Variants in GRIK4 observed in about 807,000 individuals in gnomAD.
GRIK4 encodes glutamate ionotropic receptor kainate type subunit 4, also known as glutamate receptor ionotropic, kainate 4.
Under a neutral mutation model 104.9 loss-of-function variants are expected in GRIK4, and 40 were observed. The observed-to-expected ratio is 0.38, with a 90% CI of 0.30 to 0.50. GRIK4 has a LOEUF of 0.50. Ranked by LOEUF, GRIK4 falls within the 20% of genes least tolerant of loss-of-function variation. The pLI is 0.93. For synonymous variants in GRIK4, 485 were observed against 524.9 expected, an observed-to-expected ratio of 0.92 and a Z score of 1.04; for missense variants, 1,047 against 1,308.1, an observed-to-expected ratio of 0.80 and a Z score of 3.08.
intron 8 of GRIK4, among the ~76,000 whole-genome samples, chr11:120,853,970 G>A (rs1018966684): frequency 3.9e-5 from 6 of 152,076 alleles, no homozygotes; most frequent in African/African-American, 1.4e-4. Flanking sequence ...TCTGTCTTAG[G>A]GGCAAGACAT....
chr11:120,572,579 C>T (rs1232411104), intron 1 of GRIK4, among the ~76,000 whole-genome samples: 1 of 152,158 alleles, frequency 6.6e-6, no homozygotes, highest in Non-Finnish European at 1.5e-5. Flanking sequence ...GGCTCTTTCT[C>T]TCCCTCCCGT....
chr11:120,860,774 C>A (rs1954242077), intron 8 of GRIK4, among the ~76,000 whole-genome samples: 1 of 152,160 alleles, frequency 6.6e-6, no homozygotes, highest in Admixed American at 6.5e-5. Context: ...ACCACCCTAC[C>A]CGCAAACCTT....
intron 4 of GRIK4, 123 bp downstream of exon 4, chr11:120,802,980 G>C (rs371905973): frequency 1.5e-5 from 13 of 879,006 alleles, no homozygotes; most frequent in Middle Eastern, 2.4e-4. Context: ...TCCAGAGGAA[G>C]GAGAGGAACT....
chr11:120,825,867 T>G (rs149510208), intron 6 of GRIK4, among the ~76,000 whole-genome samples: 1 of 152,162 alleles, frequency 6.6e-6, no homozygotes, highest in South Asian at 2.1e-4. Flanking sequence ...CTTATGGCAG[T>G]GGGGGTGGAG....
In GRIK4 at chr11:120,561,544, C is replaced by G. The variant is rs142433223; in HGVS notation, c.-159+49657C>G. ...CTCGGGGACTCCCCAGAGTTCCCTGCAGGCATACCCCCGCTCCAGCAATGG... is the reference window on the plus strand; with the variant it reads ...CTCGGGGACTCCCCAGAGTTCCCTGGAGGCATACCCCCGCTCCAGCAATGG... On this transcript the variant is annotated intron_variant, in intron 1 of 20. Transcript: ENST00000527524. Among the ~76,000 whole-genome samples, 169 of 152,364 alleles carry G rather than the reference C, an allele frequency of 1.1e-3. 4 individuals are homozygous for G. In the East Asian group the frequency reaches 0.029, roughly 26 times the overall value.
chr11:120,733,045 A>G (rs995461231), intron 3 of GRIK4, among the ~76,000 whole-genome samples: 1 of 152,176 alleles, frequency 6.6e-6, no homozygotes, highest in East Asian at 1.9e-4. Context: ...TGTATTTACA[A>G]TTGTTATATC....
At chr11:120,674,999 G>A (rs1299293254) in intron 3 of GRIK4, among the ~76,000 whole-genome samples, 1 of 152,236 alleles carries the variant, frequency 6.6e-6, no homozygotes, top group Non-Finnish European at 1.5e-5. Context: ...AATTAAAAGG[G>A]CCTTTATCTG....
At chr11:120,674,791 C>G (rs1483020557) in intron 3 of GRIK4, among the ~76,000 whole-genome samples, 1 of 152,200 alleles carries the variant, frequency 6.6e-6, no homozygotes, top group Non-Finnish European at 1.5e-5. Context: ...CCTGGGGGCC[C>G]CCACAGGAAT....
intron 8 of GRIK4, among the ~76,000 whole-genome samples, chr11:120,856,838 A>G (rs1954115535): frequency 6.6e-6 from 1 of 152,192 alleles, no homozygotes; most frequent in African/African-American, 2.4e-5. Context: ...TTTTAGCTGT[A>G]GTTGACTAAC....
At chr11:120,799,375 C>T (rs1165906040) in intron 3 of GRIK4, among the ~76,000 whole-genome samples, 7 of 152,172 alleles carry the variant, frequency 4.6e-5, no homozygotes, top group Non-Finnish European at 1.0e-4. Flanking sequence ...AGGGGCAAGC[C>T]TGTTGCTATT....
chr11:120,667,548 AT>A (rs1169743986), intron 3 of GRIK4, among the ~76,000 whole-genome samples: 7 of 152,226 alleles, frequency 4.6e-5, no homozygotes, highest in Non-Finnish European at 1.0e-4. Context: ...CTTAGCTCTC[AT>A]TAGTCTGGAT....
chr11:120,920,869 C>T (rs1055759251), intron 13 of GRIK4, among the ~76,000 whole-genome samples: 1 of 152,096 alleles, frequency 6.6e-6, no homozygotes, highest in Non-Finnish European at 1.5e-5. Flanking sequence ...CACCAGTATC[C>T]CTTCCATCTG....
chr11:120,708,785 G>A (rs1028462478), intron 3 of GRIK4, among the ~76,000 whole-genome samples: 5 of 152,122 alleles, frequency 3.3e-5, no homozygotes, highest in South Asian at 2.1e-4. Context: ...TTTGCTTTGC[G>A]CAGGGCCCTG....
At chr11:120,701,951 C>CTTTT (rs34068640) in intron 3 of GRIK4, among the ~76,000 whole-genome samples, 26 of 92,080 alleles carry the variant, frequency 2.8e-4, no homozygotes, top group Admixed American at 5.4e-4. Context: ...TGATTCCAAG[C>CTTTT]TTTTTTTTTT....
chr11:120,924,876 C>G (rs1054761313), intron 13 of GRIK4, among the ~76,000 whole-genome samples: 1 of 152,222 alleles, frequency 6.6e-6, no homozygotes, highest in Non-Finnish European at 1.5e-5. Context: ...GTCTTCAGCT[C>G]TCTTCCTCAA....
At position 120,956,880 on chromosome 11, in the gene GRIK4, G is replaced by A. The variant is rs1370506355; in HGVS notation, c.1801G>A (p.Val601Ile). Residue 601 changes from valine to isoleucine, a missense_variant, in exon 16 of 21, where the codon GTC becomes ATC. By Grantham distance (29) the Val-to-Ile change is conservative (BLOSUM62 3). Around this residue, in one of 3 missense-constraint regions of GRIK4, gnomAD observed 440 missense variants for 652.3 expected, o/e 0.67. Transcript: ENST00000527524. The surrounding 1 kb of genome is among the most constrained non-coding windows in gnomAD (Gnocchi z 4.6). ...CCTGGGCAACAGCCTCTGGTTTCCG[G>A]TCGGGGGGTTCATGCAGCAAGGCTC... ...YSLGNSLWFP[V>I]GGFMQQGSTI... 10 of 1,613,908 alleles carry A rather than the reference G, an allele frequency of 6.2e-6. No individual in the cohort carries two copies. Among genetic ancestry groups the A allele is most frequent in the Non-Finnish European group, 8.5e-6 (10 of 1,179,992 alleles).
At chr11:120,853,677 G>GCC (rs1954030569) in intron 8 of GRIK4, among the ~76,000 whole-genome samples, 1 of 152,238 alleles carries the variant, frequency 6.6e-6, no homozygotes, top group Non-Finnish European at 1.5e-5. Flanking sequence ...GAGGGAAGCA[G>GCC]ATCCAAGTGG....
chr11:120,960,923 T>C lies in GRIK4; in HGVS notation c.1889T>C (p.Leu630Pro), dbSNP rs1456213588. The stretch of plus-strand genomic sequence containing the variant: ...TTCCTACATAGGTGGGCATTCACGC[T>C]GATCATCATCTCATCCTACACGGCC... The part of the protein sequence containing the change: ...CVSGVWWAFT[L>P]IIISSYTANL... The change falls in exon 17 of 21, where the codon CTG becomes CCG. Residue 630 changes from leucine to proline, a missense_variant. Physicochemically the swap from Leu to Pro is moderately conservative, Grantham distance 98. Transcript: ENST00000527524. The C allele has an allele frequency of 6.2e-7, 1 of 1,613,638 alleles. No individual in the cohort carries two copies. The highest frequency in any genetic ancestry group is 8.5e-7 in the Non-Finnish European group (1 of 1,179,844).
chr11:120,790,910 C>G (rs139494706), intron 3 of GRIK4, among the ~76,000 whole-genome samples: 76 of 152,210 alleles, frequency 5.0e-4, no homozygotes, highest in African/African-American at 1.7e-3. Context: ...TGAAGTGAAA[C>G]TGGGAAGCCA....
Sources: allele counts gnomAD v4.1 joint callset (sites outside exome capture counted in the v4.1 genomes callset), GRCh38; gene constraint gnomAD v4.1.1; regional missense constraint gnomAD v4.1.1; non-coding constraint Gnocchi (gnomAD v3.1); transcripts MANE v1.5; gene names NCBI Gene and HGNC (gene_info 2026-07-23, HGNC 2026-07-21).